TANC1: variants seen among roughly 807,000 people sequenced by gnomAD.
TANC1 encodes tetratricopeptide repeat, ankyrin repeat and coiled-coil containing 1.
Under a neutral mutation model 149.7 loss-of-function variants are expected in TANC1, and 77 were observed. The observed-to-expected ratio is 0.51, with a 90% CI of 0.43 to 0.62. The LOEUF is 0.62. TANC1 is among the 20% of genes least tolerant of loss of function. TANC1 has a pLI of 0.00. For synonymous variants in TANC1, 854 were observed against 925.0 expected (o/e 0.92, Z 1.39); for missense variants, 1,985 against 2,321.8 (o/e 0.85, Z 2.98).
At chr2:159,114,468 TG>T (rs945949482) in intron 4 of TANC1, among the ~76,000 whole-genome samples, 1 of 152,136 alleles carries the variant, frequency 6.6e-6, no homozygotes, top group Non-Finnish European at 1.5e-5. Flanking sequence ...GCTTTTAAGG[TG>T]GGGGGAAACA....
At chr2:159,019,261 T>G (rs757005912) in intron 2 of TANC1, among the ~76,000 whole-genome samples, 1 of 152,162 alleles carries the variant, frequency 6.6e-6, no homozygotes, top group Non-Finnish European at 1.5e-5. Flanking sequence ...AGCCACGCAG[T>G]GAGCTGAAGG....
intron 22 of TANC1, among the ~76,000 whole-genome samples, chr2:159,220,166 A>G (rs990667022): frequency 5.3e-5 from 8 of 152,214 alleles, no homozygotes; most frequent in Non-Finnish European, 1.0e-4. Flanking sequence ...ATGCATACAC[A>G]TGTGCATATG....
At position 159,172,147 on chromosome 2, in the gene TANC1, T is replaced by G; in HGVS notation, c.1378T>G (p.Phe460Val). The G allele has an allele frequency of 6.2e-7, 1 of 1,614,188 alleles. No individual in the cohort carries two copies. Among genetic ancestry groups the G allele is most frequent in the Non-Finnish European group, 8.5e-7 (1 of 1,180,008 alleles). ...CTCTGACCCCACTCAGGATCTTCATTTCACTCCGTTGCTTTCACCGAGTTC... is the reference window on the plus strand; with the variant it reads ...CTCTGACCCCACTCAGGATCTTCATGTCACTCCGTTGCTTTCACCGAGTTC... ...KTSDPTQDLHFTPLLSPSSST... is the reference protein window; with the variant it reads ...KTSDPTQDLHVTPLLSPSSST... Residue 460 changes from phenylalanine (F) to valine (V), a missense_variant, in exon 11 of 27, where the codon TTC (phenylalanine) becomes GTC (valine). Transcript: ENST00000263635.
At position 159,230,993 on chromosome 2, in the gene TANC1, T is replaced by C. The variant is rs2060309212; in HGVS notation, c.5567T>C (p.Phe1856Ser). The C allele has an allele frequency of 6.2e-7, 1 of 1,611,962 alleles. No homozygotes were observed. The highest frequency in any genetic ancestry group is 8.5e-7 in the Non-Finnish European group (1 of 1,179,048). The change falls in exon 27 of 27, where the codon TTT becomes TCT. Residue 1856 changes from phenylalanine to serine, a missense_variant. This residue lies in a region of TANC1 where 920 missense variants were observed against 994.7 expected (regional missense o/e 0.92). Coordinates refer to ENST00000263635, the MANE Select transcript of TANC1 (RefSeq NM_033394.3). This position sits in a 1 kb window ranked among gnomAD's most constrained non-coding sequence, Gnocchi z 4.4. Reference sequence around the variant, plus strand: ...ACTGCAGCCAAACCAAAGCGATCATTTATAGAGTCAAATGTGTGAACCTTA... The same window carrying C: ...ACTGCAGCCAAACCAAAGCGATCATCTATAGAGTCAAATGTGTGAACCTTA... ...HLTAAKPKRS[F>S]IESNV
chr2:159,133,075 A>G (rs1189186853), intron 4 of TANC1, among the ~76,000 whole-genome samples: 3 of 152,198 alleles, frequency 2.0e-5, no homozygotes, highest in Non-Finnish European at 4.4e-5. Context: ...TTGGGTAGGT[A>G]GATTGGAGCT....
At chr2:159,194,672 T>C (rs1161245299) in intron 17 of TANC1, among the ~76,000 whole-genome samples, 179 bp downstream of exon 17, 1 of 152,234 alleles carries the variant, frequency 6.6e-6, no homozygotes, top group Non-Finnish European at 1.5e-5. Context: ...TTTGTTTTGC[T>C]CATACACAGC....
chr2:159,148,497 T>G (rs2052400088), intron 5 of TANC1: 1 of 152,268 alleles, frequency 6.6e-6, no homozygotes, highest in South Asian at 2.1e-4. Flanking sequence ...TCTACATCTT[T>G]GCATGGGCAA....
At chr2:159,010,723 C>CTTTTTT (rs35513612) in intron 2 of TANC1, among the ~76,000 whole-genome samples, 1 of 132,216 alleles carries the variant, frequency 7.6e-6, no homozygotes, top group Non-Finnish European at 1.6e-5. Flanking sequence ...GAATGAAAGG[C>CTTTTTT]TTTTTTTTTT....
At chr2:159,216,052 A>G (rs1345558754) in intron 19 of TANC1, among the ~76,000 whole-genome samples, 1 of 152,128 alleles carries the variant, frequency 6.6e-6, no homozygotes, top group Non-Finnish European at 1.5e-5. Context: ...CCTGTCTTCA[A>G]CTTACTCGTA....
chr2:159,061,060 G>C (rs749291319), intron 2 of TANC1, among the ~76,000 whole-genome samples: 4 of 152,226 alleles, frequency 2.6e-5, no homozygotes, highest in Non-Finnish European at 5.9e-5. Context: ...GGGCTTAAAA[G>C]AAGAATATGT....
At chr2:159,053,507 T>C (rs1481743520) in intron 2 of TANC1, among the ~76,000 whole-genome samples, 3 of 152,240 alleles carry the variant, frequency 2.0e-5, no homozygotes, top group Non-Finnish European at 4.4e-5. Flanking sequence ...TCCACTGCAG[T>C]ATCACTGCAG....
At chr2:159,226,431 T>C (rs1486919457) in intron 24 of TANC1, 6 of 152,400 alleles carry the variant, frequency 3.9e-5, no homozygotes, top group African/African-American at 1.4e-4. Context: ...AACACCATGC[T>C]GAGGCACAGT....
In TANC1 at chr2:159,231,282, T is replaced by G; in HGVS notation, c.*270T>G. 3.1e-6 allele frequency: 1 copy of G among 318,216 alleles called. No individual in the cohort carries two copies. The highest frequency in any genetic ancestry group is 5.8e-6 in the Non-Finnish European group (1 of 173,496). The allele number at this position is 318,216 out of a possible 1,614,324, so 19.7% of individuals were successfully genotyped here. A position where few individuals can be genotyped will look rare whatever the true frequency, so the allele number is the denominator to read the frequency against. On this transcript the variant is annotated 3_prime_UTR_variant, in exon 27 of 27. Coordinates refer to ENST00000263635, the MANE Select transcript of TANC1 (RefSeq NM_033394.3). ...ACATTAATGACTCTCACTTATGAAATTGTTTGGCTTTTGCCACTTTCTTCC... is the reference window on the plus strand; with the variant it reads ...ACATTAATGACTCTCACTTATGAAAGTGTTTGGCTTTTGCCACTTTCTTCC...
intron 3 of TANC1, among the ~76,000 whole-genome samples, chr2:159,071,787 G>GACT (rs1220193430): frequency 6.6e-6 from 1 of 152,156 alleles, no homozygotes; most frequent in Non-Finnish European, 1.5e-5. Flanking sequence ...TTAGTGCAGT[G>GACT]ACTCTCTTGC....
intron 16 of TANC1, among the ~76,000 whole-genome samples, chr2:159,190,083 C>T (rs925879267): frequency 3.9e-5 from 6 of 152,196 alleles, no homozygotes; most frequent in Non-Finnish European, 7.3e-5. Flanking sequence ...TCCAAGTATA[C>T]CTTCCACCAT....
Position 159,150,524 on chromosome 2 carries a change from C to G in TANC1, c.650C>G (p.Ser217Cys). 6.2e-7 allele frequency: 1 copy of G among 1,614,044 alleles called. No individual in the cohort carries two copies. Among genetic ancestry groups the G allele is most frequent in the Non-Finnish European group, 8.5e-7 (1 of 1,179,948 alleles). The change falls in exon 7 of 27, where the codon TCC becomes TGC. Residue 217 changes from serine to cysteine, a missense_variant. Around this residue, in one of 3 missense-constraint regions of TANC1, gnomAD observed 557 missense variants for 612.9 expected, o/e 0.91. Transcript: ENST00000263635. ...TGTGAGACCATTAGCAGCCCTAGTT[C>G]CACCCTGGAAAGCAAGGACAGTGGA... ...SPCETISSPSSTLESKDSGII... is the reference protein window; with the variant it reads ...SPCETISSPSCTLESKDSGII...
intron 7 of TANC1, among the ~76,000 whole-genome samples, chr2:159,158,645 G>A (rs1219022294): frequency 6.6e-6 from 1 of 152,204 alleles, no homozygotes; most frequent in African/African-American, 2.4e-5. Flanking sequence ...GTATGAGTTG[G>A]GGAAAGTATG....
At chr2:159,012,401 C>T (rs1361892031) in intron 2 of TANC1, among the ~76,000 whole-genome samples, 1 of 152,056 alleles carries the variant, frequency 6.6e-6, no homozygotes, top group Non-Finnish European at 1.5e-5. Flanking sequence ...CAAATTCAAA[C>T]ACGTGCCTCT....
intron 25 of TANC1, chr2:159,228,324 G>A: frequency 3.5e-6 from 1 of 284,064 alleles, no homozygotes; most frequent in Non-Finnish European, 6.6e-6. Flanking sequence ...TGCCTTCTGT[G>A]TTAGGTTTGC....
Sources: allele counts gnomAD v4.1 joint callset (sites outside exome capture counted in the v4.1 genomes callset), GRCh38; gene constraint gnomAD v4.1.1; regional missense constraint gnomAD v4.1.1; non-coding constraint Gnocchi (gnomAD v3.1); transcripts MANE v1.5; gene names NCBI Gene and HGNC (gene_info 2026-07-23, HGNC 2026-07-21).